Variants in ARSB observed in about 807,000 individuals in gnomAD.
ARSB encodes the protein arylsulfatase B.
In ARSB, 41 loss-of-function variants were observed where a neutral mutation model predicts 50.9. That is an observed-to-expected ratio of 0.81 (90% CI 0.63 to 1.04). The LOEUF is 1.04. ARSB is among the 50% of genes least tolerant of loss of function. The probability of loss-of-function intolerance (pLI) is 0.00; values close to 1 mark genes in which losing one functional copy is unlikely to be tolerated. For missense variants in ARSB, 672 were observed against 693.3 expected (o/e 0.97, Z 0.35); for synonymous variants, 269 against 284.8 (o/e 0.94, Z 0.56).
chr5:78,853,824 G>C (rs1745991024), intron 5 of ARSB, among the ~76,000 whole-genome samples: 1 of 152,256 alleles, frequency 6.6e-6, no homozygotes, highest in African/African-American at 2.4e-5. Flanking sequence ...TGCTGTGCTA[G>C]CAATCAGCGA....
Position 78,964,431 on chromosome 5 carries a change from G to T in ARSB, c.675C>A (p.Asn225Lys), listed in dbSNP as rs566000880. ...FTKRAIALITNHPPEKPLFLY... is the reference protein window; with the variant it reads ...FTKRAIALITKHPPEKPLFLY... ...CAAAACTTACCTTCTCTGGTGGATG[G>T]TTAGTTATGAGGGCTATAGCCCTTT... is the stretch of plus-strand genomic sequence containing the variant. The change falls in exon 3 of 8, where the codon AAC (asparagine) becomes AAA (lysine). Residue 225 changes from asparagine to lysine, a missense_variant. Coordinates refer to ENST00000264914, the MANE Select transcript of ARSB (RefSeq NM_000046.5). The T allele has an allele frequency of 2.2e-5, 35 of 1,613,956 alleles. No homozygotes were observed. Among genetic ancestry groups the T allele is most frequent in the Admixed American group, 1.2e-4 (7 of 60,020 alleles).
At chr5:78,834,631 A>ATATC (rs1399556867) in intron 6 of ARSB, among the ~76,000 whole-genome samples, 1 of 130,334 alleles carries the variant, frequency 7.7e-6, no homozygotes, top group East Asian at 2.1e-4. Flanking sequence ...ATATATATAT[A>ATATC]TATATATATA....
At chr5:78,977,816 A>G (rs757636799) in intron 1 of ARSB, among the ~76,000 whole-genome samples, 4 of 152,200 alleles carry the variant, frequency 2.6e-5, no homozygotes, top group Non-Finnish European at 5.9e-5. Flanking sequence ...AACTCTAAAG[A>G]TTATACACAC....
chr5:78,968,423 C>T (rs1418115911), intron 2 of ARSB, among the ~76,000 whole-genome samples: 1 of 151,688 alleles, frequency 6.6e-6, no homozygotes, highest in African/African-American at 2.4e-5. Flanking sequence ...TCTCGGCTCA[C>T]TGCAAGCTCC....
intron 6 of ARSB, among the ~76,000 whole-genome samples, chr5:78,785,889 G>A (rs1421348847): frequency 1.3e-5 from 2 of 152,198 alleles, no homozygotes; most frequent in Non-Finnish European, 2.9e-5. Context: ...ATGGTCAGAG[G>A]GAGATGTGGC....
At chr5:78,981,807 G>T (rs1752915488) in intron 1 of ARSB, among the ~76,000 whole-genome samples, 1 of 152,162 alleles carries the variant, frequency 6.6e-6, no homozygotes, top group Non-Finnish European at 1.5e-5. Flanking sequence ...AGTCAGTCTA[G>T]GCTTGTTTAT....
At chr5:78,880,389 C>A (rs1747694265) in intron 5 of ARSB, among the ~76,000 whole-genome samples, 2 of 152,198 alleles carry the variant, frequency 1.3e-5, no homozygotes, top group Admixed American at 6.5e-5. Context: ...GATTCAATCC[C>A]ACCCTCACCT....
chr5:78,955,392 T>G lies in ARSB; in HGVS notation c.801A>C (p.Ala267=), dbSNP rs1165236838. ...FIQDKNRHHY[A]GMVSLMDEAV... Reference sequence around the variant, plus strand: ...CTTCATCCATAAGGGACACCATTCCTGCATAGTGATGCCTGTTCTTGTCTT... The same window carrying G: ...CTTCATCCATAAGGGACACCATTCCGGCATAGTGATGCCTGTTCTTGTCTT... Residue 267 remains alanine (A), a synonymous_variant, in exon 4 of 8, where the codon GCA becomes GCC. Coordinates refer to ENST00000264914, the MANE Select transcript of ARSB (RefSeq NM_000046.5). 1 of 1,614,128 alleles carries G rather than the reference T, an allele frequency of 6.2e-7. No individual in the cohort carries two copies. The highest frequency in any genetic ancestry group is 8.5e-7 in the Non-Finnish European group (1 of 1,180,054).
At chr5:78,827,453 C>T (rs916605572) in intron 6 of ARSB, among the ~76,000 whole-genome samples, 23 of 152,246 alleles carry the variant, frequency 1.5e-4, no homozygotes, top group African/African-American at 5.3e-4. Context: ...TCATGCAATC[C>T]ACCCACCTTG....
chr5:78,869,214 G>A (rs1165545274), intron 5 of ARSB, among the ~76,000 whole-genome samples: 1 of 103,572 alleles, frequency 9.7e-6, no homozygotes, highest in Non-Finnish European at 2.0e-5. Flanking sequence ...ATTAATAATG[G>A]GAGACTTCAA....
At position 78,936,232 on chromosome 5, in the gene ARSB, C is replaced by T. The variant is rs1388387342; in HGVS notation, c.898+19063G>A. Among the ~76,000 whole-genome samples, 7 of 148,372 alleles carry T rather than the reference C, an allele frequency of 4.7e-5. No homozygotes were observed. The Admixed American group carries it at 4.7e-4, about 10-fold the overall frequency. On this transcript the variant is annotated intron_variant, in intron 4 of 7. Coordinates refer to ENST00000264914, the MANE Select transcript of ARSB (RefSeq NM_000046.5). Reference sequence around the variant, plus strand: ...CTCCGCCTCCCGGGTTCAAGCGATTCTCCTGCCTCAACCTCCCAAGTAGCT... The same window carrying T: ...CTCCGCCTCCCGGGTTCAAGCGATTTTCCTGCCTCAACCTCCCAAGTAGCT...
intron 1 of ARSB, 73 bp from the exon 2 acceptor site, chr5:78,969,265 C>G (rs1042159359): frequency 2.0e-6 from 3 of 1,504,752 alleles, no homozygotes; most frequent in African/African-American, 1.4e-5. Context: ...AAATGGCCTT[C>G]TACCTTACTG....
intron 4 of ARSB, among the ~76,000 whole-genome samples, chr5:78,943,168 G>C (rs993252410): frequency 7.2e-5 from 11 of 152,074 alleles, no homozygotes; most frequent in African/African-American, 2.4e-4. Flanking sequence ...TTGAGCCTAT[G>C]TGTGTCTTTG....
intron 4 of ARSB, among the ~76,000 whole-genome samples, chr5:78,920,101 G>A (rs1456197975): frequency 6.6e-6 from 1 of 152,212 alleles, no homozygotes; most frequent in Non-Finnish European, 1.5e-5. Context: ...AATTTGGACA[G>A]AGGAGCCACC....
intron 6 of ARSB, among the ~76,000 whole-genome samples, chr5:78,805,636 G>A (rs1248025658): frequency 6.6e-6 from 1 of 152,172 alleles, no homozygotes; most frequent in Non-Finnish European, 1.5e-5. Flanking sequence ...AGAAAAACAA[G>A]CAGGAAAGAG....
At chr5:78,921,725 G>A (rs1230633279) in intron 4 of ARSB, among the ~76,000 whole-genome samples, 1 of 152,136 alleles carries the variant, frequency 6.6e-6, no homozygotes, top group Non-Finnish European at 1.5e-5. Flanking sequence ...TAACCAATGG[G>A]TTAAAGAAGA....
chr5:78,942,846 T>C (rs1022089105), intron 4 of ARSB, among the ~76,000 whole-genome samples: 1 of 152,242 alleles, frequency 6.6e-6, no homozygotes, highest in African/African-American at 2.4e-5. Flanking sequence ...GTTAACTTTC[T>C]GTCTCATTGA....
At chr5:78,789,848 G>T (rs945834200) in intron 6 of ARSB, among the ~76,000 whole-genome samples, 5 of 152,172 alleles carry the variant, frequency 3.3e-5, no homozygotes, top group Non-Finnish European at 5.9e-5. Context: ...AAGGTTAAAG[G>T]CACATAGCAC....
chr5:78,929,701 G>A (rs991015365), intron 4 of ARSB, among the ~76,000 whole-genome samples: 16 of 151,452 alleles, frequency 1.1e-4, no homozygotes, highest in Admixed American at 6.6e-5. Context: ...GCTGAGGCAG[G>A]AGAGTCACTA....
Sources: allele counts gnomAD v4.1 joint callset (sites outside exome capture counted in the v4.1 genomes callset), GRCh38; gene constraint gnomAD v4.1.1; transcripts MANE v1.5; gene names NCBI Gene and HGNC (gene_info 2026-07-23, HGNC 2026-07-21).